ADAM19: variants seen among roughly 807,000 people sequenced by gnomAD.
ADAM19 encodes disintegrin and metalloproteinase domain-containing protein 19.
Under a neutral mutation model 114.7 loss-of-function variants are expected in ADAM19, and 65 were observed. That is an observed-to-expected ratio of 0.57 (90% CI 0.46 to 0.70). ADAM19 has a LOEUF of 0.70. Among genes scored for constraint, ADAM19 ranks in the 30% least tolerant of loss-of-function variants. The pLI, the probability that ADAM19 is intolerant of heterozygous loss-of-function variation, is 0.00. For missense variants in ADAM19, 1,063 were observed against 1,204.7 expected, an observed-to-expected ratio of 0.88 and a Z score of 1.74; for synonymous variants, 466 against 460.5, an observed-to-expected ratio of 1.01 and a Z score of -0.15.
intron 1 of ADAM19, among the ~76,000 whole-genome samples, chr5:157,574,664 C>A (rs11465234): frequency 3.9e-5 from 6 of 152,182 alleles, no homozygotes; most frequent in Non-Finnish European, 8.8e-5. Context: ...AAGCCTTCTC[C>A]GGTCATAATG....
intron 19 of ADAM19, 129 bp downstream of exon 19, chr5:157,490,181 C>T: frequency 1.0e-6 from 1 of 974,794 alleles, no homozygotes; most frequent in Non-Finnish European, 1.6e-6. Context: ...GGGGAGAGGG[C>T]AGCATGTATC....
intron 3 of ADAM19, among the ~76,000 whole-genome samples, chr5:157,554,819 C>A (rs1022042911): frequency 6.6e-6 from 1 of 152,166 alleles, no homozygotes; most frequent in Non-Finnish European, 1.5e-5. Flanking sequence ...ATCCCCATCA[C>A]GTAGATGAGA....
chr5:157,517,668 C>T (rs776955046), intron 7 of ADAM19, among the ~76,000 whole-genome samples: 15 of 152,148 alleles, frequency 9.9e-5, no homozygotes, highest in East Asian at 1.9e-4. Context: ...GCAAACTCTG[C>T]GATGCCTGGG....
chr5:157,492,053 A>G (rs1453884516), intron 16 of ADAM19, 141 bp from the exon 17 acceptor site: 2 of 707,602 alleles, frequency 2.8e-6, no homozygotes, highest in Non-Finnish European at 4.8e-6. Context: ...GCACTTTGGG[A>G]GGCTGAGGTG....
intron 7 of ADAM19, among the ~76,000 whole-genome samples, chr5:157,514,584 C>T (rs1056176712): frequency 6.6e-6 from 1 of 152,166 alleles, no homozygotes; most frequent in Non-Finnish European, 1.5e-5. Flanking sequence ...GCCTTGGCCT[C>T]CCAAAGTGCT....
At chr5:157,565,800 A>T (rs1327592415) in intron 2 of ADAM19, among the ~76,000 whole-genome samples, 1 of 151,538 alleles carries the variant, frequency 6.6e-6, no homozygotes, top group African/African-American at 2.4e-5. Context: ...ACATAAGGAC[A>T]TTTATTACTT....
chr5:157,515,754 T>G (rs1756072093), intron 7 of ADAM19, among the ~76,000 whole-genome samples: 1 of 152,220 alleles, frequency 6.6e-6, no homozygotes, highest in Non-Finnish European at 1.5e-5. Context: ...CTCTGCACTG[T>G]GCCAGCATCA....
intron 1 of ADAM19, among the ~76,000 whole-genome samples, chr5:157,574,291 A>AGGT (rs1413252815): frequency 6.6e-6 from 1 of 152,220 alleles, no homozygotes; most frequent in Non-Finnish European, 1.5e-5. Context: ...AACTCAGAGA[A>AGGT]GGCGCCTGTG....
intron 4 of ADAM19, 107 bp downstream of exon 4, chr5:157,537,806 C>A: frequency 1.0e-6 from 1 of 973,116 alleles, no homozygotes; most frequent in Non-Finnish European, 1.6e-6. Context: ...TTGGGGGAAA[C>A]ACTCCCTTCA....
intron 4 of ADAM19, among the ~76,000 whole-genome samples, chr5:157,536,366 GC>G (rs1379105777): frequency 2.0e-5 from 3 of 152,094 alleles, no homozygotes; most frequent in Admixed American, 2.0e-4. Flanking sequence ...AGTGGATCAT[GC>G]CTATAATCCC....
At chr5:157,504,802 A>C (rs1561533747) in intron 11 of ADAM19, among the ~76,000 whole-genome samples, 1 of 151,294 alleles carries the variant, frequency 6.6e-6, no homozygotes, top group East Asian at 1.9e-4. Context: ...AAACTCCCTA[A>C]TTCTCTTCAG....
At chr5:157,546,865 G>A (rs2113773834) in intron 3 of ADAM19, among the ~76,000 whole-genome samples, 1 of 152,322 alleles carries the variant, frequency 6.6e-6, no homozygotes, top group South Asian at 2.1e-4. Context: ...AACCGGCTGA[G>A]GAAAGTCCGG....
chr5:157,560,944 T>G (rs1181988254), intron 3 of ADAM19, among the ~76,000 whole-genome samples: 1 of 152,202 alleles, frequency 6.6e-6, no homozygotes, highest in South Asian at 2.1e-4. Context: ...ACCATCTCAT[T>G]TCATCCTCCC....
At chr5:157,493,264 C>T (rs1755236472) in intron 15 of ADAM19, 87 bp from the exon 16 acceptor site, 2 of 1,461,514 alleles carry the variant, frequency 1.4e-6, no homozygotes, top group African/African-American at 1.4e-5. Flanking sequence ...CTTTCTTGAT[C>T]AAGACAGCAG....
At chr5:157,522,866 G>T (rs1048199894) in intron 5 of ADAM19, among the ~76,000 whole-genome samples, 1 of 152,200 alleles carries the variant, frequency 6.6e-6, no homozygotes, top group Non-Finnish European at 1.5e-5. Context: ...GGTGCCAGCA[G>T]CTCTCTTCTT....
At chr5:157,506,590 A>T (rs1267641266) in intron 10 of ADAM19, among the ~76,000 whole-genome samples, 1 of 152,234 alleles carries the variant, frequency 6.6e-6, no homozygotes, top group African/African-American at 2.4e-5. Flanking sequence ...CTTGATATGC[A>T]CTTCACAGGT....
rs759120064 is a variant in ADAM19 at position 157,491,679 on chromosome 5, G to A, written c.2031C>T (p.Ala677=). ...GGCCCGGTGTGTTGCAGAAGGGCGGGGCCCAGCCCGGCAGGCAGTGGCAGT... is the reference window on the plus strand; with the variant it reads ...GGCCCGGTGTGTTGCAGAAGGGCGGAGCCCAGCCCGGCAGGCAGTGGCAGT... The part of the protein sequence containing the change: ...NQNCHCLPGW[A]PPFCNTPGHG... The change falls in exon 18 of 23, where the codon GCC becomes GCT. Residue 677 remains alanine (A), a synonymous_variant. Transcript: ENST00000257527. 1 of 1,579,362 alleles carries A rather than the reference G, an allele frequency of 6.3e-7. No homozygotes were observed. Among genetic ancestry groups the A allele is most frequent in the Non-Finnish European group, 8.6e-7 (1 of 1,161,290 alleles).
At chr5:157,553,102 A>G (rs62388529) in intron 3 of ADAM19, among the ~76,000 whole-genome samples, 6,001 of 152,338 alleles carry the variant, frequency 0.039, 189 homozygotes, top group South Asian at 0.16. Context: ...GAAAAAATGA[A>G]TAAGACCTAT....
intron 3 of ADAM19, among the ~76,000 whole-genome samples, chr5:157,558,484 A>G (rs1386033069): frequency 6.6e-6 from 1 of 152,234 alleles, no homozygotes; most frequent in Non-Finnish European, 1.5e-5. Flanking sequence ...TCTATGACTC[A>G]TTTAAATGCA....
Sources: allele counts gnomAD v4.1 joint callset (sites outside exome capture counted in the v4.1 genomes callset), GRCh38; gene constraint gnomAD v4.1.1; transcripts MANE v1.5; gene names NCBI Gene and HGNC (gene_info 2026-07-23, HGNC 2026-07-21).